The following TRNAU1AP variants were observed in gnomAD, a reference collection of about 807,000 sequenced individuals.
The protein encoded by TRNAU1AP is tRNA selenocysteine 1 associated protein 1.
In TRNAU1AP, 33 loss-of-function variants were observed where a neutral mutation model predicts 43.3. The observed-to-expected ratio is 0.76, with a 90% confidence interval of 0.58 to 1.02. The LOEUF is 1.02. Among genes scored for constraint, TRNAU1AP ranks in the 50% least tolerant of loss-of-function variants. TRNAU1AP has a pLI of 0.00. For missense variants in TRNAU1AP, 290 were observed against 362.7 expected, an observed-to-expected ratio of 0.80 and a Z score of 1.63; for synonymous variants, 143 against 129.1, an observed-to-expected ratio of 1.11 and a Z score of -0.73.
rs183460916 is a variant in TRNAU1AP at position 28,574,115 on chromosome 1, C to G, written c.727+2215C>G. 3.5e-5 allele frequency among the ~76,000 whole-genome samples: 5 copies of G among 141,304 alleles called. No homozygotes were observed. The East Asian group carries it at 1.0e-3, about 29-fold the overall frequency. The allele number at this position is 141,304 out of a possible 152,430, so 92.7% of individuals were successfully genotyped here. ...TTTTTTTGGGAGACGGAGTCTTGCTCTGTCACCCAGGCTGGAGTGCAGTGG... is the reference window on the plus strand; with the variant it reads ...TTTTTTTGGGAGACGGAGTCTTGCTGTGTCACCCAGGCTGGAGTGCAGTGG... On this transcript the variant is annotated intron_variant, in intron 8 of 8. Coordinates refer to ENST00000373830, the MANE Select transcript of TRNAU1AP (RefSeq NM_017846.5).
intron 4 of TRNAU1AP, among the ~76,000 whole-genome samples, chr1:28,563,192 C>T (rs920166273): frequency 2.0e-5 from 3 of 151,564 alleles, no homozygotes; most frequent in Non-Finnish European, 4.4e-5. Context: ...CTGCGCCTGG[C>T]CTTGTGTATT....
chr1:28,562,749 T>C (rs1665440384), intron 4 of TRNAU1AP, among the ~76,000 whole-genome samples: 2 of 151,662 alleles, frequency 1.3e-5, no homozygotes, highest in South Asian at 4.2e-4. Context: ...CCTGGCTAAA[T>C]TTTTTGTATT....
rs762610793 is a variant in TRNAU1AP, at chr1:28,571,914, C to T, written c.727+14C>T. The T allele has an allele frequency of 3.0e-5, 49 of 1,610,352 alleles. No individual in the cohort carries two copies. In the Admixed American group the frequency reaches 4.2e-4, roughly 14 times the overall value. On this transcript the variant is annotated intron_variant, in intron 8 of 8. Transcript: ENST00000373830. ...ATGCATTGGAAGGTAAGGGTTCATA[C>T]GTTCCTTACTCTGTCAGCCATTATC...
chr1:28,574,487 G>A (rs1369458777), intron 8 of TRNAU1AP: 2 of 152,204 alleles, frequency 1.3e-5, no homozygotes, highest in Non-Finnish European at 2.9e-5. Flanking sequence ...GGGGGAGGCT[G>A]AGGCAGGAGG....
chr1:28,553,468 G>T, intron 1 of TRNAU1AP, 172 bp from the exon 2 acceptor site: 1 of 659,748 alleles, frequency 1.5e-6, no homozygotes, highest in Non-Finnish European at 2.6e-6. Context: ...CTAAAGCGGG[G>T]CAAGCTTGAA....
intron 3 of TRNAU1AP, chr1:28,561,031 C>T: frequency 7.4e-7 from 1 of 1,344,030 alleles, no homozygotes; most frequent in Non-Finnish European, 9.6e-7. Flanking sequence ...AACTCTAGAC[C>T]TCTTGCCTGA....
chr1:28,576,373 C>T (rs527377989), intron 8 of TRNAU1AP, among the ~76,000 whole-genome samples: 56 of 150,550 alleles, frequency 3.7e-4, no homozygotes, highest in Non-Finnish European at 7.5e-4. Context: ...GGCTGGAGTG[C>T]AATGGCGTGA....
At chr1:28,576,071 G>T (rs1665772759) in intron 8 of TRNAU1AP, among the ~76,000 whole-genome samples, 1 of 148,902 alleles carries the variant, frequency 6.7e-6, no homozygotes, top group African/African-American at 2.5e-5. Context: ...ATGTTGCCCA[G>T]GATGGTCTCA....
At chr1:28,571,150 T>TAA (rs1401765350) in intron 6 of TRNAU1AP, 26 bp from the exon 7 acceptor site, 2 of 1,612,092 alleles carry the variant, frequency 1.2e-6, no homozygotes, top group Admixed American at 3.3e-5. Flanking sequence ...TGCTTACACT[T>TAA]ATTTTTGTTT....
At chr1:28,560,984 C>T (rs1557433036) in intron 3 of TRNAU1AP, 4 of 1,190,648 alleles carry the variant, frequency 3.4e-6, no homozygotes, top group African/African-American at 1.5e-5. Flanking sequence ...CATGCCTTTC[C>T]ATTCTGCATT....
intron 4 of TRNAU1AP, 150 bp downstream of exon 4, chr1:28,561,548 G>A: frequency 1.1e-6 from 1 of 881,844 alleles, no homozygotes; most frequent in Non-Finnish European, 1.8e-6. Flanking sequence ...CCTTCCTGGT[G>A]TGCTTCATGC....
intron 5 of TRNAU1AP, among the ~76,000 whole-genome samples, chr1:28,566,366 C>A (rs1187068463): frequency 6.6e-6 from 1 of 150,664 alleles, no homozygotes; most frequent in Admixed American, 6.6e-5. Flanking sequence ...ACTTGTAATC[C>A]CAGCACTTTG....
At chr1:28,565,745 C>G (rs1241444650) in intron 5 of TRNAU1AP, 1 of 151,380 alleles carries the variant, frequency 6.6e-6, no homozygotes, top group Non-Finnish European at 1.5e-5. Flanking sequence ...TGAGATCACA[C>G]AACTGTGCTC....
intron 8 of TRNAU1AP, among the ~76,000 whole-genome samples, chr1:28,575,315 C>T (rs1256740637): frequency 1.3e-5 from 2 of 151,894 alleles, no homozygotes; most frequent in African/African-American, 4.8e-5. Context: ...CCACCACGCC[C>T]AGCTAATTTT....
intron 2 of TRNAU1AP, among the ~76,000 whole-genome samples, chr1:28,555,032 G>A (rs1157937178): frequency 9.2e-5 from 14 of 151,856 alleles, no homozygotes; most frequent in Non-Finnish European, 1.9e-4. Context: ...GAGGTCAGGA[G>A]TTGGAGACCA....
Position 28,553,698 on chromosome 1 carries a change from C to T in TRNAU1AP, c.86C>T (p.Thr29Ile). The change falls in exon 2 of 9, where the codon ACC becomes ATC. Residue 29 changes from threonine (T) to isoleucine (I), a missense_variant. Physicochemically the swap from Thr to Ile is moderately conservative, Grantham distance 89 (BLOSUM62 -1). This residue lies in a region of TRNAU1AP where 59 missense variants were observed against 45.5 expected (regional missense o/e 1.30). Coordinates refer to ENST00000373830, the MANE Select transcript of TRNAU1AP (RefSeq NM_017846.5). ...ISRAFATMGE[T>I]VMSVKIIRNR... is the part of the protein sequence containing the mutation. ...AGAGCCTTTGCCACCATGGGGGAGA[C>T]CGTAATGAGCGTCAAAATTATCCGA... is the stretch of plus-strand genomic sequence containing the variant. 1.2e-6 allele frequency: 2 copies of T among 1,614,138 alleles called. No individual in the cohort carries two copies. The highest frequency in any genetic ancestry group is 1.7e-6 in the Non-Finnish European group (2 of 1,180,038).
At position 28,566,331 on chromosome 1, in the gene TRNAU1AP, A is replaced by G. The variant is rs1294468268; in HGVS notation, c.411-963A>G. ...CTCCATCTCAAAAAAAAAAAAAAAA[A>G]GAAGAGCCGGGCGTGGTGGCTGACA... is the stretch of plus-strand genomic sequence containing the variant. On this transcript the variant is annotated intron_variant, in intron 5 of 8. Transcript: ENST00000373830. 8.3e-5 allele frequency among the ~76,000 whole-genome samples: 11 copies of G among 132,546 alleles called. No individual in the cohort carries two copies. In the East Asian group the frequency reaches 2.3e-3, roughly 27 times the overall value. The allele number at this position is 132,546 out of a possible 152,430, so 87.0% of individuals were successfully genotyped here. A position where few individuals can be genotyped will look rare whatever the true frequency, so the allele number is the denominator to read the frequency against.
intron 2 of TRNAU1AP, among the ~76,000 whole-genome samples, chr1:28,555,003 C>G (rs1038449004): frequency 6.6e-6 from 1 of 151,888 alleles, no homozygotes; most frequent in African/African-American, 2.4e-5. Context: ...CTTCGGGAGG[C>G]GAGAAGGGTG....
chr1:28,574,104 G>A (rs993486773), intron 8 of TRNAU1AP, among the ~76,000 whole-genome samples: 8 of 140,996 alleles, frequency 5.7e-5, no homozygotes, highest in Admixed American at 1.4e-4. Context: ...TTTGGGAGAC[G>A]GAGTCTTGCT....
Sources: gnomAD v4.1 joint callset for allele counts (sites outside exome capture counted in the v4.1 genomes callset) on GRCh38, gnomAD v4.1.1 for gene constraint, gnomAD v4.1.1 regional missense constraint, MANE v1.5 for transcripts, NCBI Gene and HGNC (gene_info 2026-07-23, HGNC 2026-07-21) for gene names.